TXNDC16: variants seen among roughly 807,000 people sequenced by gnomAD.
TXNDC16 encodes the protein thioredoxin domain-containing protein 16.
Under a neutral mutation model 85.6 loss-of-function variants are expected in TXNDC16, and 74 were observed. The ratio of observed to expected loss-of-function variants is 0.86; its 90% CI spans 0.72 to 1.05. The LOEUF is 1.05. TXNDC16 is among the 50% of genes least tolerant of loss of function. TXNDC16 has a pLI of 0.00. For missense variants in TXNDC16, 959 were observed against 947.0 expected, an observed-to-expected ratio of 1.01 and a Z score of -0.17; for synonymous variants, 335 against 326.5, an observed-to-expected ratio of 1.03 and a Z score of -0.28.
At chr14:52,523,749 C>T (rs2037264666) in intron 6 of TXNDC16, among the ~76,000 whole-genome samples, 1 of 152,110 alleles carries the variant, frequency 6.6e-6, no homozygotes, top group African/African-American at 2.4e-5. Flanking sequence ...TAATAGCTTG[C>T]TTCTTATAAA....
intron 9 of TXNDC16, among the ~76,000 whole-genome samples, chr14:52,495,214 G>T (rs77731947): frequency 0.013 from 2,029 of 152,316 alleles, 43 homozygotes; most frequent in African/African-American, 0.046. Flanking sequence ...GGAGGCTGAA[G>T]ATTCTACTTT....
At chr14:52,514,223 CAT>C (rs2037025656) in intron 8 of TXNDC16, among the ~76,000 whole-genome samples, 1 of 152,090 alleles carries the variant, frequency 6.6e-6, no homozygotes, top group African/African-American at 2.4e-5. Flanking sequence ...TTGTGTGTGG[CAT>C]ATCATATAGC....
At chr14:52,538,524 G>C (rs1466662448) in intron 4 of TXNDC16, among the ~76,000 whole-genome samples, 1 of 152,168 alleles carries the variant, frequency 6.6e-6, no homozygotes, top group Non-Finnish European at 1.5e-5. Flanking sequence ...GGATGACTTG[G>C]ATGAGAAGTA....
chr14:52,473,963 C>T lies in TXNDC16; in HGVS notation c.1313-3283G>A, dbSNP rs1219393130. Among the ~76,000 whole-genome samples the T allele has an allele frequency of 2.0e-5, 3 of 152,258 alleles. No homozygotes were observed. In the East Asian group the frequency reaches 5.8e-4, roughly 29 times the overall value. ...CATAGACACAAAACATTGTAATTAC[C>T]TATGCAATGCATTTCTACATTAAGT... On this transcript the variant is annotated intron_variant, in intron 14 of 20. Transcript: ENST00000281741.
chr14:52,478,004 C>T (rs1387192137), intron 14 of TXNDC16, among the ~76,000 whole-genome samples: 2 of 152,134 alleles, frequency 1.3e-5, no homozygotes, highest in African/African-American at 4.8e-5. Context: ...TGGAATAAAA[C>T]TGGAAATCAA....
intron 18 of TXNDC16, among the ~76,000 whole-genome samples, chr14:52,453,464 T>C (rs1327476051): frequency 6.6e-6 from 1 of 152,110 alleles, no homozygotes. Flanking sequence ...GAAAATATGG[T>C]ACATACACAC....
At position 52,455,438 on chromosome 14, in the gene TXNDC16, A is replaced by G; in HGVS notation, c.1728T>C (p.Leu576=). The G allele has an allele frequency of 1.9e-6, 3 of 1,614,012 alleles. No individual in the cohort carries two copies. The South Asian group carries it at 3.3e-5, about 18-fold the overall frequency. Residue 576 remains leucine, a synonymous_variant, in exon 18 of 21, where the codon CTT becomes CTC. Coordinates refer to ENST00000281741, the MANE Select transcript of TXNDC16 (RefSeq NM_020784.3). ...TGTGTCTGGCAAGCAGCAGGGCTGG[A>G]AGACTTGCAGCATATTTGGTTGACC... ...LLLSTKYAAS[L]PALLLARHTE...
intron 18 of TXNDC16, among the ~76,000 whole-genome samples, chr14:52,441,152 AATT>A (rs1432282716): frequency 6.6e-6 from 1 of 152,198 alleles, no homozygotes; most frequent in African/African-American, 2.4e-5. Flanking sequence ...ATAAATATAA[AATT>A]TTACTTTTTC....
intron 11 of TXNDC16, 74 bp downstream of exon 11, chr14:52,490,317 A>T (rs2036370164): frequency 1.8e-5 from 18 of 1,024,236 alleles, no homozygotes; most frequent in Non-Finnish European, 2.2e-5. Flanking sequence ...TATAATAAAA[A>T]TATATTAAAG....
intron 7 of TXNDC16, among the ~76,000 whole-genome samples, chr14:52,517,676 C>A (rs1290288166): frequency 6.6e-6 from 1 of 152,062 alleles, no homozygotes; most frequent in Non-Finnish European, 1.5e-5. Flanking sequence ...TCCTCTCTTG[C>A]CTACTCGAAA....
chr14:52,528,711 T>A (rs1366903475), intron 6 of TXNDC16, among the ~76,000 whole-genome samples: 2 of 150,424 alleles, frequency 1.3e-5, no homozygotes, highest in East Asian at 3.9e-4. Flanking sequence ...TTGTTTATTA[T>A]TAATAATAGT....
At chr14:52,461,417 T>A (rs977927947) in intron 16 of TXNDC16, among the ~76,000 whole-genome samples, 1 of 152,156 alleles carries the variant, frequency 6.6e-6, no homozygotes, top group African/African-American at 2.4e-5. Context: ...ATATGTTTGA[T>A]AATTAATTTT....
intron 15 of TXNDC16, 128 bp downstream of exon 15, chr14:52,470,384 A>G (rs1363193316): frequency 7.7e-6 from 9 of 1,162,612 alleles, no homozygotes; most frequent in Non-Finnish European, 9.5e-6. Flanking sequence ...AGACTTTCAT[A>G]AATATTCATT....
In TXNDC16 at chr14:52,435,884, T is replaced by A. The variant is rs555898132; in HGVS notation, c.2195-3297A>T. On this transcript the variant is annotated intron_variant, in intron 20 of 20. Transcript: ENST00000281741. ...GTCCTAGCTACTTGGAAGGCTGAGG[T>A]AGGAGAATCCCTTGAGCCCAGGAGT... Among the ~76,000 whole-genome samples the A allele has an allele frequency of 5.3e-5, 8 of 151,940 alleles. No homozygotes were observed. In the South Asian group the frequency reaches 1.5e-3, roughly 28 times the overall value.
chr14:52,454,425 TAA>T (rs535276734), intron 18 of TXNDC16, among the ~76,000 whole-genome samples: 7 of 120,168 alleles, frequency 5.8e-5, no homozygotes, highest in Admixed American at 8.4e-5. Context: ...AAACTCTGTC[TAA>T]AAAAAAAAAA....
intron 1 of TXNDC16, among the ~76,000 whole-genome samples, chr14:52,544,947 G>A (rs1431579505): frequency 6.6e-6 from 1 of 152,006 alleles, no homozygotes; most frequent in African/African-American, 2.4e-5. Flanking sequence ...TTTTAAACCA[G>A]CCTATTTTAA....
At chr14:52,530,833 T>A (rs2037557530) in intron 6 of TXNDC16, among the ~76,000 whole-genome samples, 1 of 150,742 alleles carries the variant, frequency 6.6e-6, no homozygotes, top group South Asian at 2.1e-4. Flanking sequence ...CAGTAATAAA[T>A]TTAAGTATGC....
At position 52,501,788 on chromosome 14, in the gene TXNDC16, C is replaced by T. The variant is rs1042330468; in HGVS notation, c.756+9452G>A. Among the ~76,000 whole-genome samples, 9 of 152,162 alleles carry T rather than the reference C, an allele frequency of 5.9e-5. No individual in the cohort carries two copies. The East Asian group carries it at 1.7e-3, about 29-fold the overall frequency. ...AGGTGTTTCCTATAAAAGTGTTTGG[C>T]GTGACTCAGTTTTTTTAACCTCAAA... On this transcript the variant is annotated intron_variant, in intron 9 of 20. Coordinates refer to ENST00000281741, the MANE Select transcript of TXNDC16 (RefSeq NM_020784.3).
chr14:52,458,797 C>T (rs2035591486), intron 16 of TXNDC16, among the ~76,000 whole-genome samples: 1 of 152,092 alleles, frequency 6.6e-6, no homozygotes, highest in African/African-American at 2.4e-5. Flanking sequence ...AAAAGTACAC[C>T]ATTATTTCCA....
Sources: gnomAD v4.1 joint callset for allele counts (sites outside exome capture counted in the v4.1 genomes callset) on GRCh38, gnomAD v4.1.1 for gene constraint, MANE v1.5 for transcripts, NCBI Gene and HGNC (gene_info 2026-07-23, HGNC 2026-07-21) for gene names.